Variants in PGCKA1 observed in about 807,000 individuals in gnomAD.
PGCKA1 encodes PDCD10 and GCKIII kinases-associated protein 1.
At chr4:37,538,606 A>T in the PGCKA1 span, among the ~76,000 whole-genome samples, 1 of 152,172 alleles carries the variant, frequency 6.6e-6, no homozygotes, top group Non-Finnish European at 1.5e-5. Flanking sequence ...TTTGGAAAAG[A>T]AGGGTTTCTG....
chr4:37,531,257 A>G, the PGCKA1 span, among the ~76,000 whole-genome samples: 5 of 152,200 alleles, frequency 3.3e-5, no homozygotes, highest in Non-Finnish European at 5.9e-5. Flanking sequence ...GGATTGCCTC[A>G]AAGTCACATG....
the PGCKA1 span, among the ~76,000 whole-genome samples, chr4:37,573,001 A>G: frequency 6.6e-6 from 1 of 152,234 alleles, no homozygotes; most frequent in Non-Finnish European, 1.5e-5. Context: ...ATTTTCAAAC[A>G]TATAGCAAAG....
the PGCKA1 span, among the ~76,000 whole-genome samples, chr4:37,566,872 G>A: frequency 3.9e-5 from 6 of 152,106 alleles, no homozygotes; most frequent in African/African-American, 1.2e-4. Flanking sequence ...GTGAGCCACC[G>A]CGCCTGGTCC....
chr4:37,593,274 T>A, the PGCKA1 span, among the ~76,000 whole-genome samples: 1 of 152,182 alleles, frequency 6.6e-6, no homozygotes, highest in Admixed American at 6.5e-5. Flanking sequence ...ACCTCTTATG[T>A]AAAAGAAGTC....
chr4:37,493,710 C>A, the PGCKA1 span, among the ~76,000 whole-genome samples: 1 of 152,152 alleles, frequency 6.6e-6, no homozygotes, highest in Non-Finnish European at 1.5e-5. Flanking sequence ...TCACCCCCAC[C>A]TCCCCATCCT....
At chr4:37,592,445 C>T in the PGCKA1 span, among the ~76,000 whole-genome samples, 1 of 151,764 alleles carries the variant, frequency 6.6e-6, no homozygotes, top group African/African-American at 2.4e-5. Flanking sequence ...GGCTTTCTCT[C>T]TGTCAAACTT....
the PGCKA1 span, among the ~76,000 whole-genome samples, chr4:37,549,185 C>T: frequency 6.6e-6 from 1 of 152,234 alleles, no homozygotes; most frequent in Non-Finnish European, 1.5e-5. Context: ...TAAGAATTTT[C>T]AAGAGCTTAT....
the PGCKA1 span, chr4:37,590,549 C>A: frequency 6.2e-7 from 1 of 1,614,162 alleles, no homozygotes; most frequent in East Asian, 2.2e-5. Flanking sequence ...GACTCCAGAG[C>A]TCCTTCTGAG....
chr4:37,470,866 G>T, the PGCKA1 span, among the ~76,000 whole-genome samples: 1 of 152,066 alleles, frequency 6.6e-6, no homozygotes, highest in African/African-American at 2.4e-5. Context: ...ATTATTTTGA[G>T]TGGCTATGTG....
At chr4:37,460,458 T>G in the PGCKA1 span, 1 of 402,516 alleles carries the variant, frequency 2.5e-6, no homozygotes, top group Non-Finnish European at 4.9e-6. Context: ...CCACCACCAG[T>G]GTTAAAGTGT....
the PGCKA1 span, among the ~76,000 whole-genome samples, chr4:37,505,606 C>T: frequency 6.6e-6 from 1 of 152,182 alleles, no homozygotes; most frequent in Non-Finnish European, 1.5e-5. Flanking sequence ...TCACGTCTTA[C>T]ATGGATGGTG....
At chr4:37,481,297 T>TA in the PGCKA1 span, among the ~76,000 whole-genome samples, 31,521 of 148,108 alleles carry the variant, frequency 0.21, 3,981 homozygotes, top group Non-Finnish European at 0.29. Context: ...CTGTCTCTAC[T>TA]AAAAAAAAAA....
chr4:37,508,703 A>ATTTTTTTTTTTTT, the PGCKA1 span, among the ~76,000 whole-genome samples: 5 of 52,222 alleles, frequency 9.6e-5, no homozygotes, highest in African/African-American at 3.6e-4. Context: ...GTATTTATTG[A>ATTTTTTTTTTTTT]TCATTCTTGG....
the PGCKA1 span, among the ~76,000 whole-genome samples, chr4:37,527,864 A>G: frequency 1.3e-5 from 2 of 152,094 alleles, no homozygotes; most frequent in Admixed American, 6.5e-5. Context: ...ACAATTGCCT[A>G]AAGTATTCAG....
At chr4:37,466,507 A>T in the PGCKA1 span, among the ~76,000 whole-genome samples, 5 of 145,996 alleles carry the variant, frequency 3.4e-5, no homozygotes, top group African/African-American at 1.4e-4. Flanking sequence ...ACTGAGGAGT[A>T]ATAAGATTTG....
chr4:37,582,820 G>T, the PGCKA1 span, among the ~76,000 whole-genome samples: 2 of 149,920 alleles, frequency 1.3e-5, no homozygotes, highest in Non-Finnish European at 2.9e-5. Context: ...TTAATCATAT[G>T]GGGGGGAGCT....
At chr4:37,498,047 G>A in the PGCKA1 span, among the ~76,000 whole-genome samples, 3 of 152,008 alleles carry the variant, frequency 2.0e-5, no homozygotes, top group African/African-American at 7.2e-5. Flanking sequence ...CAGGTCTTAG[G>A]TTTAAGTCCT....
the PGCKA1 span, among the ~76,000 whole-genome samples, chr4:37,523,690 C>A: frequency 6.6e-6 from 1 of 152,080 alleles, no homozygotes; most frequent in African/African-American, 2.4e-5. Context: ...ACATAACATT[C>A]CTGTCTTAGT....
the PGCKA1 span, among the ~76,000 whole-genome samples, chr4:37,462,123 A>G: frequency 1.3e-5 from 2 of 150,686 alleles, no homozygotes; most frequent in African/African-American, 5.0e-5. Context: ...GCTAAGAGGT[A>G]ATTCAAACAT....
Sources: allele counts gnomAD v4.1 joint callset (sites outside exome capture counted in the v4.1 genomes callset), GRCh38; gene constraint gnomAD v4.1.1; transcripts MANE v1.5; gene names NCBI Gene and HGNC (gene_info 2026-07-23, HGNC 2026-07-21).